GRIN2B: variants seen among roughly 807,000 people sequenced by gnomAD.
GRIN2B encodes glutamate ionotropic receptor NMDA type subunit 2B, also known as glutamate receptor ionotropic, NMDA 2B.
A neutral mutation model predicts 114.5 loss-of-function variants in GRIN2B; 5 were observed. That is an observed-to-expected ratio of 0.04 (90% CI 0.02 to 0.09). The LOEUF (loss-of-function observed/expected upper bound fraction) is 0.09, where lower values mean the gene tolerates loss of function less well. Ranked by LOEUF, GRIN2B falls within the 10% of genes least tolerant of loss-of-function variation. The probability of loss-of-function intolerance (pLI) is 1.00; values close to 1 mark genes in which losing one functional copy is unlikely to be tolerated. For synonymous variants in GRIN2B, 787 were observed against 745.1 expected, an observed-to-expected ratio of 1.06 and a Z score of -0.92; for missense variants, 1,108 against 1,943.5, an observed-to-expected ratio of 0.57 and a Z score of 8.08.
rs1867500956 is a variant in GRIN2B at position 13,952,451 on chromosome 12, T to C, written c.-19+27477A>G. Among the ~76,000 whole-genome samples the C allele has an allele frequency of 1.3e-5, 2 of 152,216 alleles. 1 individual carries two copies. Among genetic ancestry groups the C allele is most frequent in the South Asian group, 4.1e-4 (2 of 4,828 alleles). The stretch of plus-strand genomic sequence containing the variant: ...AAACTAAAATACTCTGAAAGCCTAA[T>C]ACTGCTTCAGGAAAATCTCCACCCT... On this transcript the variant is annotated intron_variant, in intron 2 of 13. Coordinates refer to ENST00000609686, the MANE Select transcript of GRIN2B (RefSeq NM_000834.5).
intron 3 of GRIN2B, among the ~76,000 whole-genome samples, chr12:13,804,423 C>T (rs930958866): frequency 3.3e-5 from 5 of 152,054 alleles, no homozygotes; most frequent in Non-Finnish European, 5.9e-5. Flanking sequence ...CTATGATCAA[C>T]CCCATCTATT....
chr12:13,934,160 G>A (rs1867087264), intron 2 of GRIN2B, among the ~76,000 whole-genome samples: 1 of 152,172 alleles, frequency 6.6e-6, no homozygotes, highest in Non-Finnish European at 1.5e-5. Context: ...TGATTTTTCA[G>A]TGACTCTCAC....
At chr12:13,639,769 C>T (rs975990261) in intron 5 of GRIN2B, among the ~76,000 whole-genome samples, 27 of 152,042 alleles carry the variant, frequency 1.8e-4, no homozygotes, top group African/African-American at 6.5e-4. Context: ...CTCTTTCTTA[C>T]CTGTTTATCC....
chr12:13,795,941 G>C (rs1166257895), intron 3 of GRIN2B, among the ~76,000 whole-genome samples: 1 of 152,056 alleles, frequency 6.6e-6, no homozygotes, highest in Non-Finnish European at 1.5e-5. Context: ...GTGGGGTGAG[G>C]GGATGGGGGA....
At chr12:13,833,709 C>T (rs1170805278) in intron 3 of GRIN2B, among the ~76,000 whole-genome samples, 2 of 152,170 alleles carry the variant, frequency 1.3e-5, no homozygotes, top group Admixed American at 1.3e-4. Flanking sequence ...AGGGGCTCAA[C>T]AGCCCCCACT....
intron 5 of GRIN2B, among the ~76,000 whole-genome samples, chr12:13,649,842 G>A (rs888174560): frequency 6.6e-6 from 1 of 152,078 alleles, no homozygotes; most frequent in African/African-American, 2.4e-5. Flanking sequence ...ATAGAAGGAT[G>A]AAGATACATA....
intron 2 of GRIN2B, among the ~76,000 whole-genome samples, chr12:13,934,132 C>T (rs1177356890): frequency 2.0e-5 from 3 of 152,322 alleles, no homozygotes; most frequent in Non-Finnish European, 2.9e-5. Context: ...TATTAATTCA[C>T]TAGCTAATCT....
chr12:13,690,313 ACACATG>A (rs2136556622), intron 4 of GRIN2B, among the ~76,000 whole-genome samples: 1 of 133,450 alleles, frequency 7.5e-6, no homozygotes, highest in African/African-American at 2.6e-5. Flanking sequence ...ACACACACAC[ACACATG>A]CACACGCACA....
chr12:13,581,909 C>CAAAAA (rs71067711), intron 10 of GRIN2B, among the ~76,000 whole-genome samples: 1 of 120,296 alleles, frequency 8.3e-6, no homozygotes, highest in Non-Finnish European at 1.8e-5. Context: ...GACTTTGTCT[C>CAAAAA]AAAAAAAAAA....
chr12:13,932,246 C>G (rs923960247), intron 2 of GRIN2B, among the ~76,000 whole-genome samples: 3 of 152,218 alleles, frequency 2.0e-5, no homozygotes, highest in Non-Finnish European at 4.4e-5. Context: ...TAGTGGCCCA[C>G]TCTCTTTGAT....
intron 5 of GRIN2B, among the ~76,000 whole-genome samples, chr12:13,641,202 G>C (rs2136507339): frequency 6.6e-6 from 1 of 152,102 alleles, no homozygotes; most frequent in African/African-American, 2.4e-5. Flanking sequence ...CTCCTAAGTA[G>C]CTGGGATTAC....
At chr12:13,623,333 G>T (rs915678861) in intron 5 of GRIN2B, among the ~76,000 whole-genome samples, 1 of 152,284 alleles carries the variant, frequency 6.6e-6, no homozygotes, top group East Asian at 1.9e-4. Flanking sequence ...TGAAAAGGCG[G>T]AACAAAAGGA....
At chr12:13,770,555 C>A (rs771542594) in intron 3 of GRIN2B, among the ~76,000 whole-genome samples, 4 of 152,126 alleles carry the variant, frequency 2.6e-5, no homozygotes, top group Non-Finnish European at 5.9e-5. Context: ...TACTTGTTAG[C>A]ACAGATTTAA....
chr12:13,646,626 T>TTCTTCC (rs199734497), intron 5 of GRIN2B, among the ~76,000 whole-genome samples: 6 of 152,136 alleles, frequency 3.9e-5, no homozygotes, highest in African/African-American at 1.2e-4. Context: ...CGCTTTCTTC[T>TTCTTCC]TCTTCCTCTT....
At chr12:13,895,842 G>A (rs1288410161) in intron 2 of GRIN2B, among the ~76,000 whole-genome samples, 1 of 152,098 alleles carries the variant, frequency 6.6e-6, no homozygotes, top group East Asian at 1.9e-4. Context: ...TTCTAATGAG[G>A]TGTGTGTTGG....
chr12:13,641,376 C>T (rs1949714002), intron 5 of GRIN2B, among the ~76,000 whole-genome samples: 2 of 151,926 alleles, frequency 1.3e-5, no homozygotes, highest in Admixed American at 6.6e-5. Context: ...CCCAGCCTTG[C>T]ATCGTTAATT....
chr12:13,707,084 T>C (rs1950366420), intron 4 of GRIN2B, among the ~76,000 whole-genome samples: 1 of 150,844 alleles, frequency 6.6e-6, no homozygotes, highest in Middle Eastern at 3.4e-3. Context: ...TGAGCATGAA[T>C]GGTAAAAAAC....
chr12:13,598,113 C>A (rs539078366), intron 10 of GRIN2B, among the ~76,000 whole-genome samples: 36 of 152,318 alleles, frequency 2.4e-4, no homozygotes, highest in African/African-American at 8.4e-4. Flanking sequence ...AGTGGTCTGG[C>A]ATTGCCACTC....
In GRIN2B at chr12:13,552,144, T is replaced by C. The variant is rs1457996038; in HGVS notation, c.*10639A>G. The C allele has an allele frequency of 6.6e-6, 1 of 152,152 alleles. No homozygotes were observed. Among genetic ancestry groups the C allele is most frequent in the Non-Finnish European group, 1.5e-5 (1 of 68,044 alleles). 9.4% of individuals were successfully genotyped at this position (152,152 alleles called of 1,614,324 possible). A position where few individuals can be genotyped will look rare whatever the true frequency, so the allele number is the denominator to read the frequency against. On this transcript the variant is annotated 3_prime_UTR_variant, in exon 14 of 14. Transcript: ENST00000609686. Reference sequence around the variant, plus strand: ...CAGATGGAGTCACAGCCTGGTGGCCTAAATTCTGTGGGTAAGGGTGGTGTG... The same window carrying C: ...CAGATGGAGTCACAGCCTGGTGGCCCAAATTCTGTGGGTAAGGGTGGTGTG...
Sources: gnomAD v4.1 joint callset for allele counts (sites outside exome capture counted in the v4.1 genomes callset) on GRCh38, gnomAD v4.1.1 for gene constraint, MANE v1.5 for transcripts, NCBI Gene and HGNC (gene_info 2026-07-23, HGNC 2026-07-21) for gene names.